Variants in PELI1 observed in about 807,000 individuals in gnomAD.
The protein encoded by PELI1 is E3 ubiquitin-protein ligase pellino homolog 1.
In PELI1, 15 loss-of-function variants were observed where a neutral mutation model predicts 41.3. The observed-to-expected ratio is 0.36, with a 90% CI of 0.24 to 0.56. The LOEUF (loss-of-function observed/expected upper bound fraction) is 0.56, where lower values mean the gene tolerates loss of function less well. Ranked by LOEUF, PELI1 falls within the 20% of genes least tolerant of loss-of-function variation. The probability of loss-of-function intolerance (pLI) is 0.82; values close to 1 mark genes in which losing one functional copy is unlikely to be tolerated. For synonymous variants in PELI1, 178 were observed against 180.1 expected, an observed-to-expected ratio of 0.99 and a Z score of 0.09; for missense variants, 403 against 525.5, an observed-to-expected ratio of 0.77 and a Z score of 2.28.
intron 4 of PELI1, 49 bp from the exon 5 acceptor site, chr2:64,096,659 GA>G: frequency 4.0e-6 from 5 of 1,265,320 alleles, no homozygotes; most frequent in Non-Finnish European, 5.7e-6. Flanking sequence ...GAGCACAGTG[GA>G]AAATCCATTC....
rs1680113608 is a variant in PELI1 at position 64,093,281 on chromosome 2, T to C, written c.*1421A>G. ...AAGGTATGCTACCACATATAAAACT[T>C]TGCTACAGTCAGTTAAGTATTATAC... On this transcript the variant is annotated 3_prime_UTR_variant, in exon 7 of 7. Coordinates refer to ENST00000358912, the MANE Select transcript of PELI1 (RefSeq NM_020651.4). 1 of 152,626 alleles carries C rather than the reference T, an allele frequency of 6.6e-6. No individual in the cohort carries two copies. Among genetic ancestry groups the C allele is most frequent in the Non-Finnish European group, 1.5e-5 (1 of 68,036 alleles). 9.5% of individuals were successfully genotyped at this position (152,626 alleles called of 1,614,324 possible). A position where few individuals can be genotyped will look rare whatever the true frequency, so the allele number is the denominator to read the frequency against.
intron 1 of PELI1, among the ~76,000 whole-genome samples, chr2:64,140,280 G>A (rs1681857175): frequency 6.6e-6 from 1 of 152,198 alleles, no homozygotes; most frequent in South Asian, 2.1e-4. Context: ...GATGAAGACA[G>A]ATGTCAGGAT....
intron 1 of PELI1, among the ~76,000 whole-genome samples, chr2:64,123,931 C>A (rs1681304380): frequency 6.6e-6 from 1 of 152,068 alleles, no homozygotes; most frequent in South Asian, 2.1e-4. Context: ...TGTGGTATAT[C>A]CATATAATGG....
At chr2:64,105,340 C>T (rs1039360254) in intron 2 of PELI1, among the ~76,000 whole-genome samples, 1 of 152,196 alleles carries the variant, frequency 6.6e-6, no homozygotes, top group South Asian at 2.1e-4. Flanking sequence ...AATGCACTCT[C>T]ATTATGTTAG....
chr2:64,113,124 TA>T (rs879504069), intron 1 of PELI1, among the ~76,000 whole-genome samples: 261 of 142,288 alleles, frequency 1.8e-3, no homozygotes, highest in Middle Eastern at 3.6e-3. Context: ...ACAAAAGATT[TA>T]AAAAAAAAAA....
chr2:64,107,765 C>T (rs567777207), intron 2 of PELI1, among the ~76,000 whole-genome samples: 1 of 152,098 alleles, frequency 6.6e-6, no homozygotes, highest in South Asian at 2.1e-4. Flanking sequence ...GCAACCTCTG[C>T]CTCCAGGGTT....
chr2:64,142,068 G>C (rs1432841536), intron 1 of PELI1, among the ~76,000 whole-genome samples: 1 of 152,100 alleles, frequency 6.6e-6, no homozygotes, highest in Non-Finnish European at 1.5e-5. Context: ...CTTTTTAGAA[G>C]CAAATAAATA....
intron 1 of PELI1, among the ~76,000 whole-genome samples, chr2:64,125,929 T>C (rs1681368577): frequency 6.6e-6 from 1 of 152,236 alleles, no homozygotes; most frequent in African/African-American, 2.4e-5. Flanking sequence ...GTATAAGGTG[T>C]ATATGAAACA....
chr2:64,136,873 A>C (rs1319616808), intron 1 of PELI1, among the ~76,000 whole-genome samples: 1 of 152,230 alleles, frequency 6.6e-6, no homozygotes, highest in African/African-American at 2.4e-5. Flanking sequence ...ACTGCACTCC[A>C]ACCTGGTGAC....
chr2:64,094,813 G>A lies in PELI1; in HGVS notation c.1146C>T (p.Ile382=). The part of the protein sequence containing the change: ...SEKTTAYWSQ[I]PLPHGTHTFH... Reference sequence around the variant, plus strand: ...AAGTATGAGTACCATGAGGAAGTGGGATCTGGGACCAATAGGCAGTTGTCT... The same window carrying A: ...AAGTATGAGTACCATGAGGAAGTGGAATCTGGGACCAATAGGCAGTTGTCT... The change falls in exon 7 of 7, where the codon ATC becomes ATT. Residue 382 remains isoleucine (I), a synonymous_variant. Transcript: ENST00000358912. 2 of 1,614,160 alleles carry A rather than the reference G, an allele frequency of 1.2e-6. No homozygotes were observed. Among genetic ancestry groups the A allele is most frequent in the East Asian group, 4.5e-5 (2 of 44,888 alleles).
intron 1 of PELI1, among the ~76,000 whole-genome samples, chr2:64,119,152 A>C (rs978926946): frequency 2.6e-5 from 4 of 152,188 alleles, no homozygotes; most frequent in Non-Finnish European, 5.9e-5. Context: ...ATTCTCTAAG[A>C]ACACAAAAGC....
rs1311228047 is a variant in PELI1 at position 64,096,223 on chromosome 2, T to A, written c.592A>T (p.Thr198Ser). Residue 198 changes from threonine to serine, a missense_variant, in exon 6 of 7, where the codon ACA becomes TCA. Thr to Ser is a moderately conservative substitution (Grantham distance 58, BLOSUM62 1). Coordinates refer to ENST00000358912, the MANE Select transcript of PELI1 (RefSeq NM_020651.4). ...VLVMHPRNGF[T>S]EDSKPGIWRE... is the part of the protein sequence containing the mutation. ...CATATTCCAGGCTTGGAGTCTTCTG[T>A]GAACCCATTGCGTGGATGCATCACA... 6.2e-7 allele frequency: 1 copy of A among 1,613,770 alleles called. No individual in the cohort carries two copies. Among genetic ancestry groups the A allele is most frequent in the East Asian group, 2.2e-5 (1 of 44,896 alleles).
chr2:64,119,718 T>G (rs1681143576), intron 1 of PELI1, among the ~76,000 whole-genome samples: 2 of 152,208 alleles, frequency 1.3e-5, no homozygotes, highest in African/African-American at 4.8e-5. Flanking sequence ...AATATCAAGT[T>G]ATAGAGTAAG....
intron 1 of PELI1, among the ~76,000 whole-genome samples, chr2:64,128,699 G>A (rs17028480): frequency 0.023 from 3,471 of 152,214 alleles, 114 homozygotes; most frequent in African/African-American, 0.077. Flanking sequence ...ACTGCGGAGT[G>A]TATGATAAAT....
At chr2:64,122,405 A>C (rs1247863101) in intron 1 of PELI1, among the ~76,000 whole-genome samples, 5 of 151,460 alleles carry the variant, frequency 3.3e-5, no homozygotes, top group African/African-American at 1.2e-4. Flanking sequence ...CTTACCTCAC[A>C]ATTTCTAGGC....
intron 3 of PELI1, among the ~76,000 whole-genome samples, chr2:64,102,370 A>T (rs1680471996): frequency 6.6e-6 from 1 of 152,124 alleles, no homozygotes; most frequent in African/African-American, 2.4e-5. Context: ...ATACATATAT[A>T]TATGTTTAAG....
At chr2:64,127,496 TTTTTA>T (rs1239561164) in intron 1 of PELI1, among the ~76,000 whole-genome samples, 2 of 152,226 alleles carry the variant, frequency 1.3e-5, no homozygotes, top group South Asian at 2.1e-4. Context: ...GTTTTCTTGT[TTTTTA>T]TTTTAAGTTT....
At chr2:64,129,209 G>C (rs1327989246) in intron 1 of PELI1, among the ~76,000 whole-genome samples, 1 of 152,086 alleles carries the variant, frequency 6.6e-6, no homozygotes, top group Non-Finnish European at 1.5e-5. Flanking sequence ...GTATTACTTT[G>C]CAACTCTTGC....
At chr2:64,137,178 C>G (rs1384931848) in intron 1 of PELI1, among the ~76,000 whole-genome samples, 1 of 152,014 alleles carries the variant, frequency 6.6e-6, no homozygotes, top group Non-Finnish European at 1.5e-5. Flanking sequence ...AGATGAGATC[C>G]AATTTTTCCT....
Sources: gnomAD v4.1 joint callset for allele counts (sites outside exome capture counted in the v4.1 genomes callset) on GRCh38, gnomAD v4.1.1 for gene constraint, MANE v1.5 for transcripts, NCBI Gene and HGNC (gene_info 2026-07-23, HGNC 2026-07-21) for gene names.